TRPC4AP: variants seen among roughly 807,000 people sequenced by gnomAD.
TRPC4AP encodes the protein transient receptor potential cation channel subfamily C member 4 associated protein.
TRPC4AP carries 45 observed loss-of-function variants against 99.0 expected under a neutral mutation model. That is an observed-to-expected ratio of 0.45 (90% CI 0.36 to 0.58). The LOEUF (loss-of-function observed/expected upper bound fraction) is 0.58. Among genes scored for constraint, TRPC4AP ranks in the 20% least tolerant of loss-of-function variants. The pLI is 0.00. For missense variants in TRPC4AP, 879 were observed against 985.3 expected (o/e 0.89, Z 1.44); for synonymous variants, 408 against 385.8 (o/e 1.06, Z -0.67).
At chr20:35,084,165 G>A (rs2084732846) in intron 1 of TRPC4AP, among the ~76,000 whole-genome samples, 1 of 151,626 alleles carries the variant, frequency 6.6e-6, no homozygotes, top group Non-Finnish European at 1.5e-5. Flanking sequence ...AGCCAGACTT[G>A]GTGGCGGGCA....
intron 1 of TRPC4AP, among the ~76,000 whole-genome samples, chr20:35,089,527 T>C (rs1402455419): frequency 7.3e-6 from 1 of 137,278 alleles, no homozygotes; most frequent in Non-Finnish European, 1.6e-5. Flanking sequence ...CCAATGTACC[T>C]GGCCTATATT....
chr20:35,058,784 G>C (rs184319772), intron 3 of TRPC4AP, among the ~76,000 whole-genome samples: 25 of 149,024 alleles, frequency 1.7e-4, no homozygotes, highest in African/African-American at 5.5e-4. Context: ...CCGCCTCCTG[G>C]GTTCAAGCGA....
At chr20:35,059,971 T>C (rs1240714419) in intron 3 of TRPC4AP, among the ~76,000 whole-genome samples, 1 of 151,780 alleles carries the variant, frequency 6.6e-6, no homozygotes, top group Non-Finnish European at 1.5e-5. Context: ...TGAACAGCCC[T>C]ATAACAAGTA....
In TRPC4AP at chr20:35,024,854, A is replaced by AAAAGAAAAAAAACAT. The variant is rs1479270980; in HGVS notation, c.1052-3499_1052-3498insATGTTTTTTTTCTTT. On this transcript the variant is annotated intron_variant, in intron 8 of 18. Coordinates refer to ENST00000252015, the MANE Select transcript of TRPC4AP (RefSeq NM_015638.3). ...AAAAAAAAAAAAAAAAAAAAAAAAA[A>AAAAGAAAAAAAACAT]ATTCTGTTTATTCATTAATCAGGTG... Among the ~76,000 whole-genome samples, 2 of 89,480 alleles carry AAAAGAAAAAAAACAT rather than the reference A, an allele frequency of 2.2e-5. 1 individual carries two copies. Among genetic ancestry groups the AAAAGAAAAAAAACAT allele is most frequent in the Admixed American group, 3.0e-4 (2 of 6,640 alleles). The allele number at this position is 89,480 out of a possible 152,430, so 58.7% of individuals were successfully genotyped here.
intron 9 of TRPC4AP, among the ~76,000 whole-genome samples, chr20:35,020,835 C>T (rs2147295542): frequency 6.6e-6 from 1 of 152,248 alleles, no homozygotes; most frequent in Non-Finnish European, 1.5e-5. Context: ...GGGCTCTGTC[C>T]CACTGCCCTG....
intron 8 of TRPC4AP, among the ~76,000 whole-genome samples, chr20:35,023,609 T>C (rs751681455): frequency 1.3e-4 from 20 of 152,222 alleles, no homozygotes; most frequent in Admixed American, 8.5e-4. Flanking sequence ...TCAATTTCCA[T>C]GTTAGCACTC....
intron 14 of TRPC4AP, among the ~76,000 whole-genome samples, chr20:35,007,014 T>C (rs1189750744): frequency 6.6e-6 from 1 of 152,238 alleles, no homozygotes; most frequent in Non-Finnish European, 1.5e-5. Flanking sequence ...ATGAACGAAA[T>C]TGTTTAAATA....
chr20:35,050,373 TTC>T (rs1374684378), intron 5 of TRPC4AP, among the ~76,000 whole-genome samples: 7 of 122,584 alleles, frequency 5.7e-5, no homozygotes, highest in Admixed American at 2.7e-4. Context: ...AGCAAATCAC[TTC>T]TCACCTTTGG....
intron 7 of TRPC4AP, among the ~76,000 whole-genome samples, chr20:35,043,097 G>T (rs538477894): frequency 5.9e-5 from 9 of 152,076 alleles, no homozygotes; most frequent in African/African-American, 2.2e-4. Context: ...ATATCTTGGA[G>T]ATTTTTCTAT....
chr20:35,072,253 T>C (rs2084339587), intron 2 of TRPC4AP, among the ~76,000 whole-genome samples: 2 of 152,246 alleles, frequency 1.3e-5, no homozygotes, highest in Admixed American at 1.3e-4. Flanking sequence ...CTGATGGTAG[T>C]TTCTTTTGCT....
At chr20:35,013,244 G>C (rs2082677763) in intron 10 of TRPC4AP, among the ~76,000 whole-genome samples, 178 bp from the exon 11 acceptor site, 1 of 152,076 alleles carries the variant, frequency 6.6e-6, no homozygotes, top group South Asian at 2.1e-4. Flanking sequence ...AGCAGATTAA[G>C]CTAATGTGGC....
intron 9 of TRPC4AP, among the ~76,000 whole-genome samples, chr20:35,020,304 A>C (rs2082855389): frequency 6.6e-6 from 1 of 152,104 alleles, no homozygotes; most frequent in East Asian, 1.9e-4. Context: ...TCAGAGTAAA[A>C]ACCAAAGTCT....
intron 1 of TRPC4AP, among the ~76,000 whole-genome samples, chr20:35,090,960 A>G (rs1363908281): frequency 6.6e-6 from 1 of 152,096 alleles, no homozygotes; most frequent in Admixed American, 6.5e-5. Flanking sequence ...TTATGTGCTC[A>G]CTAAAAGTTA....
At chr20:35,017,342 G>A (rs1225477904) in intron 9 of TRPC4AP, among the ~76,000 whole-genome samples, 3 of 152,098 alleles carry the variant, frequency 2.0e-5, no homozygotes, top group South Asian at 2.1e-4. Flanking sequence ...ACTAATAACT[G>A]GTAAAATTAG....
intron 3 of TRPC4AP, among the ~76,000 whole-genome samples, chr20:35,065,910 T>G (rs2084132020): frequency 6.6e-6 from 1 of 152,126 alleles, no homozygotes; most frequent in South Asian, 2.1e-4. Flanking sequence ...TCTCTTGAGC[T>G]AGCCAAGTAA....
chr20:35,084,672 G>A lies in TRPC4AP; in HGVS notation c.169-6498C>T, dbSNP rs914099806. ...TGTTTATATGCATATATGTGTATAT[G>A]TATATATGTTTATATGCATATATGT... On this transcript the variant is annotated intron_variant, in intron 1 of 18. Transcript: ENST00000252015. 1.3e-4 allele frequency among the ~76,000 whole-genome samples: 16 copies of A among 127,004 alleles called. 1 individual carries two copies. Among genetic ancestry groups the A allele is most frequent in the Non-Finnish European group, 2.4e-4 (15 of 62,156 alleles). The allele number at this position is 127,004 out of a possible 152,430, so 83.3% of individuals were successfully genotyped here. A position where few individuals can be genotyped will look rare whatever the true frequency, so the allele number is the denominator to read the frequency against.
Position 35,054,986 on chromosome 20 carries a change from G to GT in TRPC4AP, c.517dup (p.Thr173AsnfsTer17), listed in dbSNP as rs1312962565. On this transcript the variant is annotated frameshift_variant, in exon 5 of 19. Transcript: ENST00000252015. LOFTEE classifies it high-confidence loss of function. ...GGCAGGGGTACTTACACAGACACAG[G>GT]TATTATACAGGATACTCAAGCAGTC... 1 of 1,613,520 alleles carries GT rather than the reference G, an allele frequency of 6.2e-7. No individual in the cohort carries two copies.
At chr20:35,023,164 T>C (rs1198069239) in intron 8 of TRPC4AP, among the ~76,000 whole-genome samples, 1 of 152,114 alleles carries the variant, frequency 6.6e-6, no homozygotes, top group African/African-American at 2.4e-5. Context: ...TGTGACACGG[T>C]AGTTAAGAGC....
chr20:35,080,013 T>TC (rs766450067), intron 1 of TRPC4AP, among the ~76,000 whole-genome samples: 2 of 93,870 alleles, frequency 2.1e-5, no homozygotes, highest in Non-Finnish European at 4.1e-5. Flanking sequence ...CAGAGCAAGA[T>TC]AAAAAAAAAA....
Sources: gnomAD v4.1 joint callset for allele counts (sites outside exome capture counted in the v4.1 genomes callset) on GRCh38, gnomAD v4.1.1 for gene constraint, MANE v1.5 for transcripts, NCBI Gene and HGNC (gene_info 2026-07-23, HGNC 2026-07-21) for gene names.